MYO19: variants seen among roughly 807,000 people sequenced by gnomAD.
MYO19 encodes myosin XIX.
A neutral mutation model predicts 129.2 loss-of-function variants in MYO19; 132 were observed. The observed-to-expected ratio is 1.02, with a 90% CI of 0.89 to 1.18. The LOEUF is 1.18. MYO19 is among the 50% of genes most tolerant of loss of function. The pLI is 0.00. For synonymous variants in MYO19, 531 were observed against 477.2 expected (o/e 1.11, Z -1.47); for missense variants, 1,210 against 1,216.7 (o/e 0.99, Z 0.08).
chr17:36,496,415 G>A lies in MYO19; in HGVS notation c.2758-9C>T, dbSNP rs2070975590. 6.2e-7 allele frequency: 1 copy of A among 1,613,346 alleles called. No individual in the cohort carries two copies. The highest frequency in any genetic ancestry group is 1.3e-5 in the African/African-American group (1 of 74,902). ...TGAAACTTTATCGATCCCTAGAGGG[G>A]AGAGAGAGATGCAGCTTTAGCACTA... is the stretch of plus-strand genomic sequence containing the variant. On this transcript the variant is annotated splice_polypyrimidine_tract_variant and intron_variant, in intron 25 of 25. Coordinates refer to ENST00000614623, the MANE Select transcript of MYO19 (RefSeq NM_001163735.2).
intron 25 of MYO19, chr17:36,497,974 G>A (rs986945056): frequency 2.4e-6 from 1 of 419,900 alleles, no homozygotes; most frequent in Non-Finnish European, 4.3e-6. Context: ...AATCAGCTGG[G>A]AGCTTGCTAG....
chr17:36,509,202 TCCC>T lies in MYO19; in HGVS notation c.1158-70_1158-68del, dbSNP rs1275400538. 4.2e-5 allele frequency: 61 copies of T among 1,452,054 alleles called. No homozygotes were observed. The East Asian group carries it at 1.3e-3, about 31-fold the overall frequency. The allele number at this position is 1,452,054 out of a possible 1,614,324, so 89.9% of individuals were successfully genotyped here. On this transcript the variant is annotated intron_variant, in intron 13 of 25. Transcript: ENST00000614623. ...TGAGTCAAAGGGGTGGTAAAATTGC[TCCC>T]CCCATCAGGGTGCTACACCCTGGGG...
At chr17:36,531,842 A>G (rs2073854809) in intron 3 of MYO19, among the ~76,000 whole-genome samples, 1 of 152,196 alleles carries the variant, frequency 6.6e-6, no homozygotes, top group African/African-American at 2.4e-5. Context: ...CAACCTCAAC[A>G]TCTGCCTCAG....
At chr17:36,498,936 G>A in intron 24 of MYO19, 139 bp downstream of exon 24, 1 of 667,582 alleles carries the variant, frequency 1.5e-6, no homozygotes. Context: ...GCATACATGA[G>A]GAATATGAGG....
chr17:36,540,714 A>G (rs1335157492), intron 2 of MYO19, among the ~76,000 whole-genome samples: 5 of 152,108 alleles, frequency 3.3e-5, no homozygotes, highest in Non-Finnish European at 7.4e-5. Flanking sequence ...TCCCAGTGTC[A>G]GCTCATGAAA....
intron 3 of MYO19, among the ~76,000 whole-genome samples, chr17:36,531,559 G>A (rs2073838503): frequency 6.6e-6 from 1 of 151,612 alleles, no homozygotes. Context: ...TGTGTAACTT[G>A]CTTTATTCCA....
At chr17:36,531,663 C>T (rs2073845585) in intron 3 of MYO19, among the ~76,000 whole-genome samples, 2 of 152,100 alleles carry the variant, frequency 1.3e-5, no homozygotes. Flanking sequence ...TTGCCCACTT[C>T]TTACCTTCAA....
chr17:36,496,987 T>C (rs1459139810), intron 25 of MYO19, among the ~76,000 whole-genome samples: 2 of 152,072 alleles, frequency 1.3e-5, no homozygotes, highest in Non-Finnish European at 2.9e-5. Flanking sequence ...CACAAAGCCC[T>C]GAGTGACAAT....
At chr17:36,505,432 C>T (rs2071817153) in intron 18 of MYO19, 28 bp from the exon 19 acceptor site, 1 of 1,588,612 alleles carries the variant, frequency 6.3e-7, no homozygotes, top group African/African-American at 1.3e-5. Context: ...TGGGGTTAGG[C>T]AGGGAGAGGG....
intron 6 of MYO19, among the ~76,000 whole-genome samples, chr17:36,517,841 C>A (rs534323142): frequency 6.6e-6 from 1 of 152,068 alleles, no homozygotes; most frequent in East Asian, 2.0e-4. Context: ...GTAATCCCAG[C>A]ACTTTGGGAG....
chr17:36,531,394 CAAAA>C (rs587678549), intron 3 of MYO19, among the ~76,000 whole-genome samples: 6 of 56,754 alleles, frequency 1.1e-4, no homozygotes, highest in African/African-American at 2.6e-4. Context: ...GACTCCATCT[CAAAA>C]AAAAAAAAAA....
intron 11 of MYO19, chr17:36,512,637 G>A (rs1353357708): frequency 1.6e-6 from 2 of 1,288,616 alleles, no homozygotes; most frequent in Non-Finnish European, 2.0e-6. Context: ...CCCAGGTACT[G>A]TCCTTCTGTC....
Position 36,500,713 on chromosome 17 carries a change from ATC to A in MYO19, c.2377+115_2377+116del, listed in dbSNP as rs971052481. 83 of 1,378,172 alleles carry A rather than the reference ATC, an allele frequency of 6.0e-5. 1 individual carries two copies. The African/African-American group carries it at 9.6e-4, about 16-fold the overall frequency. 85.4% of individuals were successfully genotyped at this position (1,378,172 alleles called of 1,614,324 possible). Reference sequence around the variant, plus strand: ...TTGAATCCCAGCACACCACAGGGACATCTCTTCAGGCTGGGACACAGCTTCAG... The same window carrying A: ...TTGAATCCCAGCACACCACAGGGACATCTTCAGGCTGGGACACAGCTTCAG... On this transcript the variant is annotated intron_variant, in intron 23 of 25. Coordinates refer to ENST00000614623, the MANE Select transcript of MYO19 (RefSeq NM_001163735.2).
In MYO19 at chr17:36,515,115, G is replaced by A. The variant is rs756479624; in HGVS notation, c.615C>T (p.Asn205=). The A allele has an allele frequency of 1.2e-6, 2 of 1,606,640 alleles. No homozygotes were observed. The highest frequency in any genetic ancestry group is 3.4e-5 in the Admixed American group (2 of 59,028). ...RFGKFIQLQL[N]RAQQMTGAAV... ...GCCAGGGCAACAGCAGCTATTACCT[G>A]TTCAGCTGGAGCTGGATGAACTTCC... The change falls in exon 8 of 26, where the codon AAC becomes AAT. Residue 205 remains asparagine (N), a splice_region_variant and synonymous_variant. Coordinates refer to ENST00000614623, the MANE Select transcript of MYO19 (RefSeq NM_001163735.2).
intron 3 of MYO19, among the ~76,000 whole-genome samples, chr17:36,530,331 G>A (rs1209695122): frequency 1.3e-5 from 2 of 151,678 alleles, no homozygotes; most frequent in African/African-American, 2.4e-5. Context: ...GTTCTTTTCT[G>A]TAAAATGGGA....
intron 3 of MYO19, among the ~76,000 whole-genome samples, chr17:36,530,450 GCTT>G (rs1333350277): frequency 0.011 from 1,494 of 141,560 alleles, 34 homozygotes; most frequent in African/African-American, 0.034. Context: ...TCTAAAAGTG[GCTT>G]TTTTTTTTTT....
At chr17:36,527,780 A>G (rs2073572722) in intron 4 of MYO19, 81 bp from the exon 5 acceptor site, 8 of 1,438,088 alleles carry the variant, frequency 5.6e-6, no homozygotes, top group African/African-American at 2.8e-5. Context: ...CTTAAGTAAC[A>G]GCCCTCTTTC....
Position 36,515,979 on chromosome 17 carries a change from A to T in MYO19, c.426T>A (p.Ser142=). 6.2e-7 allele frequency: 1 copy of T among 1,612,026 alleles called. No individual in the cohort carries two copies. The highest frequency in any genetic ancestry group is 8.5e-7 in the Non-Finnish European group (1 of 1,179,232). The change falls in exon 7 of 26, where the codon TCT becomes TCA. Residue 142 remains serine, a synonymous_variant. Transcript: ENST00000614623. ...CAGCATAGAACTTCATTAGGCAGCG[A>T]GACGTCCATGTCTGTGGCAGAAACA... The part of the protein sequence containing the change: ...GESGAGKTWT[S]RCLMKFYAVV...
chr17:36,525,102 T>C, intron 6 of MYO19, 126 bp downstream of exon 6: 1 of 709,518 alleles, frequency 1.4e-6, no homozygotes, highest in Non-Finnish European at 2.5e-6. Context: ...AACCCCAGCT[T>C]CAGCCAGCCT....
Sources: allele counts gnomAD v4.1 joint callset (sites outside exome capture counted in the v4.1 genomes callset), GRCh38; gene constraint gnomAD v4.1.1; transcripts MANE v1.5; gene names NCBI Gene and HGNC (gene_info 2026-07-23, HGNC 2026-07-21).